The following DNTTIP1 variants were observed in gnomAD, a reference collection of about 807,000 sequenced individuals.
DNTTIP1 encodes deoxynucleotidyltransferase terminal-interacting protein 1.
Under a neutral mutation model 52.9 loss-of-function variants are expected in DNTTIP1, and 22 were observed. The ratio of observed to expected loss-of-function variants is 0.42; its 90% CI spans 0.30 to 0.59. The LOEUF (loss-of-function observed/expected upper bound fraction) is 0.59. Among genes scored for constraint, DNTTIP1 ranks in the 20% least tolerant of loss-of-function variants. The pLI, the probability that DNTTIP1 is intolerant of heterozygous loss-of-function variation, is 0.22. For synonymous variants in DNTTIP1, 136 were observed against 155.1 expected (o/e 0.88, Z 0.92); for missense variants, 286 against 435.5 (o/e 0.66, Z 3.06).
intron 4 of DNTTIP1, among the ~76,000 whole-genome samples, chr20:45,797,889 G>A (rs1444904045): frequency 1.3e-5 from 2 of 152,188 alleles, no homozygotes; most frequent in East Asian, 1.9e-4. Flanking sequence ...TGGTGGGACC[G>A]TAAACTAGTT....
chr20:45,798,167 T>C (rs1185173742), intron 4 of DNTTIP1, among the ~76,000 whole-genome samples: 1 of 152,076 alleles, frequency 6.6e-6, no homozygotes, highest in African/African-American at 2.4e-5. Flanking sequence ...AAGTGATGAG[T>C]TCATGTCCTT....
At chr20:45,803,532 CAGAGA>C (rs1372445202) in intron 8 of DNTTIP1, among the ~76,000 whole-genome samples, 154 bp downstream of exon 8, 1 of 152,190 alleles carries the variant, frequency 6.6e-6, no homozygotes, top group Non-Finnish European at 1.5e-5. Flanking sequence ...ACACTGGCCT[CAGAGA>C]GGATCCTGTG....
chr20:45,795,514 T>G, intron 4 of DNTTIP1, 71 bp downstream of exon 4: 1 of 989,158 alleles, frequency 1.0e-6, no homozygotes, highest in Admixed American at 2.2e-5. Flanking sequence ...AAATGCGATC[T>G]TAAGCCGGAC....
At chr20:45,802,336 G>T (rs146559667) in intron 7 of DNTTIP1, among the ~76,000 whole-genome samples, 58 of 152,230 alleles carry the variant, frequency 3.8e-4, no homozygotes, top group Admixed American at 2.0e-3. Context: ...GTCTAAATAC[G>T]TTACATACTT....
At chr20:45,795,692 G>A (rs1401777644) in intron 4 of DNTTIP1, among the ~76,000 whole-genome samples, 1 of 152,180 alleles carries the variant, frequency 6.6e-6, no homozygotes, top group Non-Finnish European at 1.5e-5. Flanking sequence ...CTAGCTGCTT[G>A]GGAGCCATAG....
Position 45,809,266 on chromosome 20 carries a change from C to T in DNTTIP1, c.795+81C>T. The T allele has an allele frequency of 8.0e-7, 1 of 1,245,418 alleles. No individual in the cohort carries two copies. Among genetic ancestry groups the T allele is most frequent in the African/African-American group, 1.5e-5 (1 of 67,960 alleles). The allele number at this position is 1,245,418 out of a possible 1,614,324, so 77.1% of individuals were successfully genotyped here. On this transcript the variant is annotated intron_variant, in intron 11 of 12. Transcript: ENST00000372622. The surrounding 1 kb of genome is among the most constrained non-coding windows in gnomAD (Gnocchi z 4.2). ...ATTTTGGCTGTGGGTGACAGCCTAC[C>T]TCCAAATCTGACTTCCAAAGCCTCA...
At chr20:45,794,070 A>G in intron 3 of DNTTIP1, 53 bp downstream of exon 3, 1 of 1,122,698 alleles carries the variant, frequency 8.9e-7, no homozygotes. Context: ...TGAGGAGCCC[A>G]GTCCTTGCCT....
chr20:45,805,089 C>A, intron 8 of DNTTIP1, 57 bp from the exon 9 acceptor site: 2 of 1,458,524 alleles, frequency 1.4e-6, no homozygotes, highest in Non-Finnish European at 1.9e-6. Flanking sequence ...AGGAGTGTTT[C>A]TGTCCTACCC....
intron 8 of DNTTIP1, among the ~76,000 whole-genome samples, chr20:45,803,751 C>T (rs776005303): frequency 6.6e-6 from 1 of 152,138 alleles, no homozygotes; most frequent in East Asian, 1.9e-4. Flanking sequence ...ATAAATGAGG[C>T]GTTTCCTTTT....
intron 1 of DNTTIP1, 43 bp from the exon 2 acceptor site, chr20:45,792,634 G>T (rs1019199134): frequency 1.3e-6 from 2 of 1,488,396 alleles, no homozygotes; most frequent in South Asian, 2.5e-5. Context: ...CCCCACCCCA[G>T]TGTCACAGGC....
rs764238510 is a variant in DNTTIP1, at chr20:45,795,474, A to G, written c.372+31A>G. 9 of 1,398,540 alleles carry G rather than the reference A, an allele frequency of 6.4e-6. No homozygotes were observed. In the South Asian group the frequency reaches 9.7e-5, roughly 15 times the overall value. 86.6% of individuals were successfully genotyped at this position (1,398,540 alleles called of 1,614,324 possible). A position where few individuals can be genotyped will look rare whatever the true frequency, so the allele number is the denominator to read the frequency against. ...ACCAAAGGGGACAAGAGATGCAGGC[A>G]CAAGGTTTAGCTCTCGAGCCTCTGA... On this transcript the variant is annotated intron_variant, in intron 4 of 12. Coordinates refer to ENST00000372622, the MANE Select transcript of DNTTIP1 (RefSeq NM_052951.3).
intron 8 of DNTTIP1, 88 bp downstream of exon 8, chr20:45,803,466 G>A: frequency 1.4e-6 from 2 of 1,467,484 alleles, no homozygotes; most frequent in African/African-American, 1.4e-5. Context: ...AGGGGCAGGG[G>A]GCGAAGGGTG....
chr20:45,801,578 A>G, intron 6 of DNTTIP1, 120 bp downstream of exon 6: 1 of 1,001,628 alleles, frequency 1.0e-6, no homozygotes. Context: ...ACTTGAGCTC[A>G]GGAGTTTTGA....
At chr20:45,802,134 G>C in intron 7 of DNTTIP1, 77 bp downstream of exon 7, 2 of 1,492,522 alleles carry the variant, frequency 1.3e-6, no homozygotes, top group Non-Finnish European at 1.9e-6. Flanking sequence ...AAGAGTCCAG[G>C]GTTCTGTGCC....
At chr20:45,797,086 C>G (rs1231614840) in intron 4 of DNTTIP1, among the ~76,000 whole-genome samples, 5 of 152,288 alleles carry the variant, frequency 3.3e-5, no homozygotes, top group African/African-American at 1.2e-4. Flanking sequence ...ACATTTATAT[C>G]TCAGTCCAGA....
At chr20:45,803,462 A>T in intron 8 of DNTTIP1, 84 bp downstream of exon 8, 2 of 1,485,496 alleles carry the variant, frequency 1.3e-6, no homozygotes, top group South Asian at 2.3e-5. Flanking sequence ...GGAAAGGGGC[A>T]GGGGGCGAAG....
At chr20:45,810,752 T>C (rs762705971) in intron 11 of DNTTIP1, 133 bp from the exon 12 acceptor site, 24 of 744,436 alleles carry the variant, frequency 3.2e-5, no homozygotes, top group Non-Finnish European at 5.0e-5. Context: ...TACTCTTCCG[T>C]ACTAAATTGT....
At chr20:45,798,128 T>C (rs1319943613) in intron 4 of DNTTIP1, among the ~76,000 whole-genome samples, 3 of 152,180 alleles carry the variant, frequency 2.0e-5, no homozygotes, top group African/African-American at 4.8e-5. Context: ...GTGGCACATA[T>C]ATACCATGGA....
In DNTTIP1 at chr20:45,810,964, C is replaced by T. The variant is rs369029522; in HGVS notation, c.851+24C>T. On this transcript the variant is annotated intron_variant, in intron 12 of 12. Transcript: ENST00000372622. ...AGGTAAAACCAGTGGGTCTCCTGCCCCTTCTCCTCTCCCTGCCTCCAAATA... is the reference window on the plus strand; with the variant it reads ...AGGTAAAACCAGTGGGTCTCCTGCCTCTTCTCCTCTCCCTGCCTCCAAATA... 1.9e-5 allele frequency: 31 copies of T among 1,614,138 alleles called. No individual in the cohort carries two copies. In the East Asian group the frequency reaches 3.1e-4, roughly 16 times the overall value.
Sources: allele counts gnomAD v4.1 joint callset (sites outside exome capture counted in the v4.1 genomes callset), GRCh38; gene constraint gnomAD v4.1.1; non-coding constraint Gnocchi (gnomAD v3.1); transcripts MANE v1.5; gene names NCBI Gene and HGNC (gene_info 2026-07-23, HGNC 2026-07-21).